NT5E: variants seen among roughly 807,000 people sequenced by gnomAD.
NT5E encodes 5'-nucleotidase ecto, also known as 5'-nucleotidase.
NT5E carries 53 observed loss-of-function variants against 55.1 expected under a neutral mutation model. That is an observed-to-expected ratio of 0.96 (90% confidence interval 0.77 to 1.21). The LOEUF is 1.21. Ranked by LOEUF, NT5E falls within the 50% of genes most tolerant of loss-of-function variation. The pLI is 0.00. For synonymous variants in NT5E, 270 were observed against 278.4 expected (o/e 0.97, Z 0.30); for missense variants, 683 against 724.3 (o/e 0.94, Z 0.65).
Position 85,471,334 on chromosome 6 carries a change from T to C in NT5E, c.660T>C (p.His220=), listed in dbSNP as rs772487574. The part of the protein sequence containing the change: ...LNVNKIIALG[H]SGFEMDKLIA... ...TGAACAAAATTATTGCACTGGGACA[T>C]TCGGGTTTTGAAATGGATAAACTCA... Residue 220 remains histidine, a synonymous_variant, in exon 3 of 9, where the codon CAT becomes CAC. Transcript: ENST00000257770. 2.2e-5 allele frequency: 35 copies of C among 1,613,116 alleles called. No homozygotes were observed. Among genetic ancestry groups the C allele is most frequent in the Non-Finnish European group, 2.8e-5 (33 of 1,179,420 alleles).
intron 1 of NT5E, among the ~76,000 whole-genome samples, chr6:85,461,058 T>C (rs1422246882): frequency 6.6e-6 from 1 of 152,208 alleles, no homozygotes; most frequent in Non-Finnish European, 1.5e-5. Flanking sequence ...TATTAAATAA[T>C]TAAATAATAT....
At chr6:85,463,209 G>A (rs1255600262) in intron 1 of NT5E, among the ~76,000 whole-genome samples, 1 of 151,956 alleles carries the variant, frequency 6.6e-6, no homozygotes, top group Non-Finnish European at 1.5e-5. Flanking sequence ...CATTTTGCTG[G>A]GCTTTGCTCT....
In NT5E at chr6:85,494,387, G is replaced by A. The variant is rs1246486354; in HGVS notation, c.*383G>A. The A allele has an allele frequency of 1.0e-5, 2 of 195,446 alleles. No individual in the cohort carries two copies. Among genetic ancestry groups the A allele is most frequent in the Non-Finnish European group, 2.1e-5 (2 of 94,234 alleles). The allele number at this position is 195,446 out of a possible 1,614,324, so 12.1% of individuals were successfully genotyped here. On this transcript the variant is annotated 3_prime_UTR_variant, in exon 9 of 9. Coordinates refer to ENST00000257770, the MANE Select transcript of NT5E (RefSeq NM_002526.4). Reference sequence around the variant, plus strand: ...AAGTTTTAAGCACACTGTCTCATTTGATATCCACAACTTATTTTTGGTAGG... The same window carrying A: ...AAGTTTTAAGCACACTGTCTCATTTAATATCCACAACTTATTTTTGGTAGG...
At chr6:85,458,160 A>G (rs1458781162) in intron 1 of NT5E, among the ~76,000 whole-genome samples, 1 of 152,256 alleles carries the variant, frequency 6.6e-6, no homozygotes, top group African/African-American at 2.4e-5. Context: ...TTTCTTGAGG[A>G]AAGAAAAATT....
At chr6:85,478,683 A>T (rs1769483754) in intron 3 of NT5E, among the ~76,000 whole-genome samples, 1 of 151,894 alleles carries the variant, frequency 6.6e-6, no homozygotes, top group Admixed American at 6.6e-5. Context: ...ATATATGAAC[A>T]AAATATATAA....
chr6:85,477,243 G>T (rs1487104423), intron 3 of NT5E, among the ~76,000 whole-genome samples: 1 of 152,104 alleles, frequency 6.6e-6, no homozygotes, highest in Non-Finnish European at 1.5e-5. Context: ...CTGTGTCGCG[G>T]CTGACACATG....
At chr6:85,473,284 TAAC>T (rs1231891705) in intron 3 of NT5E, among the ~76,000 whole-genome samples, 1 of 152,202 alleles carries the variant, frequency 6.6e-6, no homozygotes, top group Non-Finnish European at 1.5e-5. Context: ...ATGAAGGTGA[TAAC>T]AACAGTACCT....
Position 85,450,695 on chromosome 6 carries a change from G to A in NT5E, c.339+217G>A, listed in dbSNP as rs1768836815. On this transcript the variant is annotated intron_variant, in intron 1 of 8. Coordinates refer to ENST00000257770, the MANE Select transcript of NT5E (RefSeq NM_002526.4). The surrounding 1 kb of genome is among the most constrained non-coding windows in gnomAD (Gnocchi z 4.0). Reference sequence around the variant, plus strand: ...TTATTGCGCCCCCACTATGAGATGGGAGTATTTAGAGGAGCAGGACCCAGT... The same window carrying A: ...TTATTGCGCCCCCACTATGAGATGGAAGTATTTAGAGGAGCAGGACCCAGT... Among the ~76,000 whole-genome samples the A allele has an allele frequency of 6.6e-6, 1 of 152,200 alleles. No homozygotes were observed. The highest frequency in any genetic ancestry group is 1.5e-5 in the Non-Finnish European group (1 of 68,028).
intron 3 of NT5E, among the ~76,000 whole-genome samples, chr6:85,476,394 G>A (rs1263231494): frequency 6.6e-6 from 1 of 152,232 alleles, no homozygotes. Context: ...GAGCACATAG[G>A]TGAGTGGGTG....
chr6:85,465,174 A>G (rs1769166968), intron 1 of NT5E, among the ~76,000 whole-genome samples: 2 of 152,200 alleles, frequency 1.3e-5, no homozygotes, highest in South Asian at 4.1e-4. Flanking sequence ...AGACAGTCAA[A>G]GTCACTACTT....
chr6:85,492,158 A>C lies in NT5E; in HGVS notation c.1542A>C (p.Glu514Asp), dbSNP rs145505137. ...ATGGGTTCCAGATGATAAAAGATGA[A>C]TTATTAAGACATGACTCTGGTAAGC... The part of the protein sequence containing the change: ...GGDGFQMIKD[E>D]LLRHDSGDQD... Residue 514 changes from glutamate (E) to aspartate (D), a missense_variant, in exon 8 of 9, where the codon GAA becomes GAC. Physicochemically the swap from Glu to Asp is conservative, Grantham distance 45 (BLOSUM62 2). Coordinates refer to ENST00000257770, the MANE Select transcript of NT5E (RefSeq NM_002526.4). 101 of 1,613,952 alleles carry C rather than the reference A, an allele frequency of 6.3e-5. No homozygotes were observed. Among genetic ancestry groups the C allele is most frequent in the Non-Finnish European group, 7.9e-5 (93 of 1,179,954 alleles).
intron 3 of NT5E, among the ~76,000 whole-genome samples, chr6:85,479,337 TC>T (rs960722610): frequency 3.3e-5 from 5 of 152,188 alleles, no homozygotes; most frequent in Non-Finnish European, 4.4e-5. Flanking sequence ...AGTATATGTT[TC>T]CCCCAGGCCA....
chr6:85,463,899 C>T (rs1216901723), intron 1 of NT5E, among the ~76,000 whole-genome samples: 1 of 151,946 alleles, frequency 6.6e-6, no homozygotes, highest in Non-Finnish European at 1.5e-5. Flanking sequence ...AGGAATTTGT[C>T]TGCATTAATT....
In NT5E at chr6:85,490,538, T is replaced by C. The variant is rs1769759799; in HGVS notation, c.1241T>C (p.Val414Ala). 1.9e-6 allele frequency: 3 copies of C among 1,614,116 alleles called. No homozygotes were observed. In the Admixed American group the frequency reaches 5.0e-5, roughly 27 times the overall value. ...GTITWENLAA[V>A]LPFGGTFDLV... is the part of the protein sequence containing the mutation. Reference sequence around the variant, plus strand: ...ATTACCTGGGAGAACCTGGCTGCTGTATTGCCCTTTGGAGGCACATTTGAC... The same window carrying C: ...ATTACCTGGGAGAACCTGGCTGCTGCATTGCCCTTTGGAGGCACATTTGAC... The change falls in exon 7 of 9, where the codon GTA becomes GCA. Residue 414 changes from valine to alanine, a missense_variant. Physicochemically the swap from Val to Ala is moderately conservative, Grantham distance 64 (BLOSUM62 0). Transcript: ENST00000257770.
At chr6:85,474,942 G>C (rs1312969818) in intron 3 of NT5E, among the ~76,000 whole-genome samples, 1 of 152,018 alleles carries the variant, frequency 6.6e-6, no homozygotes, top group Middle Eastern at 3.2e-3. Flanking sequence ...CTCAACAACA[G>C]CAACAACAGC....
chr6:85,491,872 G>GA, intron 7 of NT5E, 105 bp from the exon 8 acceptor site: 1 of 1,005,996 alleles, frequency 9.9e-7, no homozygotes, highest in East Asian at 2.4e-5. Flanking sequence ...TAAACCAAAG[G>GA]AAAAACCACA....
At chr6:85,492,832 G>C (rs542212881) in intron 8 of NT5E, among the ~76,000 whole-genome samples, 1 of 152,286 alleles carries the variant, frequency 6.6e-6, no homozygotes, top group African/African-American at 2.4e-5. Flanking sequence ...CAGCTTCTTG[G>C]CATCTCTGGG....
intron 3 of NT5E, 107 bp from the exon 4 acceptor site, chr6:85,485,128 C>T: frequency 9.4e-7 from 1 of 1,067,792 alleles, no homozygotes; most frequent in Non-Finnish European, 1.4e-6. Context: ...CAACAGATGG[C>T]AAATCATCAA....
rs754061413 is a variant in NT5E, at chr6:85,450,470, G to C, written c.331G>C (p.Asp111His). 3.1e-6 allele frequency: 5 copies of C among 1,593,486 alleles called. No individual in the cohort carries two copies. Among genetic ancestry groups the C allele is most frequent in the Non-Finnish European group, 3.4e-6 (4 of 1,171,394 alleles). Reference protein sequence around the residue: ...VAHFMNALRYDAMALGNHEFD... With the variant: ...VAHFMNALRYHAMALGNHEFD... ...GCACTTCATGAACGCCCTGCGCTAC[G>C]ATGCCATGGTAAGACCCGAGCCCGC... The change falls in exon 1 of 9, where the codon GAT becomes CAT. Residue 111 changes from aspartate (D) to histidine (H), a missense_variant. Asp to His is a moderately conservative substitution (Grantham distance 81). Transcript: ENST00000257770. The surrounding 1 kb of genome is among the most constrained non-coding windows in gnomAD (Gnocchi z 4.0).
Sources: allele counts gnomAD v4.1 joint callset (sites outside exome capture counted in the v4.1 genomes callset), GRCh38; gene constraint gnomAD v4.1.1; non-coding constraint Gnocchi (gnomAD v3.1); transcripts MANE v1.5; gene names NCBI Gene and HGNC (gene_info 2026-07-23, HGNC 2026-07-21).